Variants in CT45A10 observed in about 807,000 individuals in gnomAD.
The protein encoded by CT45A10 is cancer/testis antigen family 45 member A10.
A neutral mutation model predicts 8.3 loss-of-function variants in CT45A10; 19 were observed. The observed-to-expected ratio is 2.30, with a 90% CI of 1.61 to 3.38. The LOEUF is 3.38. Among genes scored for constraint, CT45A10 ranks in the 30% most tolerant of loss-of-function variants. The probability of loss-of-function intolerance (pLI) is 0.00; values close to 1 mark genes in which losing one functional copy is unlikely to be tolerated. For missense variants in CT45A10, 149 were observed against 85.9 expected (o/e 1.73, Z -2.90); for synonymous variants, 28 against 26.5 (o/e 1.06, Z -0.17).
chrX:135,890,325 C>T (rs2088488847), intron 1 of CT45A10, among the ~76,000 whole-genome samples: 1 of 112,631 alleles, frequency 8.9e-6, no homozygotes, highest in South Asian at 3.6e-4. Context: ...CCAGCTTGAG[C>T]GATGCAGATC....
intron 1 of CT45A10, among the ~76,000 whole-genome samples, chrX:135,890,996 T>C (rs1405787362): frequency 9.0e-6 from 1 of 111,190 alleles, no homozygotes; most frequent in Non-Finnish European, 1.9e-5. Flanking sequence ...AAATGGAAAA[T>C]AGCTAGATTT....
At chrX:135,889,556 T>A (rs1225330149) in intron 1 of CT45A10, among the ~76,000 whole-genome samples, 1 of 111,214 alleles carries the variant, frequency 9.0e-6, no homozygotes, top group African/African-American at 3.3e-5. Context: ...GGTTGTTTTT[T>A]AAAGTCAACC....
At chrX:135,883,659 C>G (rs2088415914) in intron 2 of CT45A10, among the ~76,000 whole-genome samples, 1 of 86,915 alleles carries the variant, frequency 1.2e-5, no homozygotes, top group Admixed American at 1.3e-4. Flanking sequence ...GCAAGTCTCA[C>G]TTGATATCAT....
chrX:135,887,638 A>T (rs1299086706), intron 1 of CT45A10, among the ~76,000 whole-genome samples: 1 of 107,776 alleles, frequency 9.3e-6, no homozygotes, highest in Non-Finnish European at 1.9e-5. Context: ...AACACATAAA[A>T]TGGTGCTAAA....
Position 135,892,973 on chromosome X carries a change from C to T in CT45A10, c.-7+372G>A, listed in dbSNP as rs1332690004. Among the ~76,000 whole-genome samples, 4 of 110,549 alleles carry T rather than the reference C, an allele frequency of 3.6e-5. No individual in the cohort carries two copies. The Admixed American group carries it at 3.8e-4, about 11-fold the overall frequency. Reference sequence around the variant, plus strand: ...CCCAAGGCAGAGTCCCCCCTCAGGGCTGCCACCGAGCAGGGAAGAAACACG... The same window carrying T: ...CCCAAGGCAGAGTCCCCCCTCAGGGTTGCCACCGAGCAGGGAAGAAACACG... On this transcript the variant is annotated intron_variant, in intron 1 of 4. Coordinates refer to ENST00000682849, the MANE Select transcript of CT45A10 (RefSeq NM_001291529.2).
chrX:135,882,775 A>G, intron 3 of CT45A10, 146 bp from the exon 4 acceptor site: 1 of 416,699 alleles, frequency 2.4e-6, no homozygotes. Context: ...CTAAATAATA[A>G]AAAAGACACC....
intron 1 of CT45A10, among the ~76,000 whole-genome samples, chrX:135,892,221 G>A (rs1424442309): frequency 2.7e-5 from 3 of 110,991 alleles, no homozygotes; most frequent in East Asian, 5.6e-4. Flanking sequence ...ACTGAGGCAC[G>A]AGAATCGAGC....
At position 135,889,830 on chromosome X, in the gene CT45A10, G is replaced by GA. The variant is rs10684169; in HGVS notation, c.-7+3514dup. 6.1e-3 allele frequency among the ~76,000 whole-genome samples: 588 copies of GA among 96,347 alleles called. 5 individuals carry two copies. The highest frequency in any genetic ancestry group is 0.018 in the African/African-American group (447 of 25,314). The allele number at this position is 96,347 out of a possible 115,157, so 83.7% of individuals were successfully genotyped here. On this transcript the variant is annotated intron_variant, in intron 1 of 4. Transcript: ENST00000682849. ...AGGAAAGAAAGAAAGCAAAAAGTTG[G>GA]AAAAAAAAAAAAAAAGTAAAATAAA...
intron 1 of CT45A10, among the ~76,000 whole-genome samples, chrX:135,888,058 C>T (rs1243063417): frequency 8.9e-6 from 1 of 112,784 alleles, no homozygotes; most frequent in African/African-American, 3.2e-5. Flanking sequence ...CCCAAGGTCA[C>T]GTGGCCTCCT....
chrX:135,883,014 C>G lies in CT45A10; in HGVS notation c.412G>C (p.Gly138Arg). The G allele has an allele frequency of 8.3e-7, 1 of 1,198,250 alleles. No individual in the cohort carries two copies. Among genetic ancestry groups the G allele is most frequent in the Non-Finnish European group, 1.1e-6 (1 of 885,422 alleles). The stretch of plus-strand genomic sequence containing the variant: ...ACGTTCTTACACTACTTACTTCGTC[C>G]AAGGCATCGGATTTCCTTCACTACT... ...CQVVKEIRCL[G>R]RKYEKIFEML... is the part of the protein sequence containing the mutation. The change falls in exon 3 of 5, where the codon GGA becomes CGA. Residue 138 changes from glycine (G) to arginine (R), a missense_variant. Physicochemically the swap from Gly to Arg is moderately radical, Grantham distance 125. Transcript: ENST00000682849.
chrX:135,891,681 G>A (rs2148067462), intron 1 of CT45A10, among the ~76,000 whole-genome samples: 1 of 110,326 alleles, frequency 9.1e-6, no homozygotes, highest in African/African-American at 3.3e-5. Flanking sequence ...TCATGGCATT[G>A]GGGGAGGCAA....
rs1376929729 is a variant in CT45A10, at chrX:135,882,922, C to T, written c.418+86G>A. 49 of 1,094,909 alleles carry T rather than the reference C, an allele frequency of 4.5e-5. 1 individual carries two copies. Among genetic ancestry groups the T allele is most frequent in the Non-Finnish European group, 5.7e-5 (46 of 811,811 alleles). The allele number at this position is 1,094,909 out of a possible 1,213,427, so 90.2% of individuals were successfully genotyped here. A position where few individuals can be genotyped will look rare whatever the true frequency, so the allele number is the denominator to read the frequency against. ...GTCTCAACTCTGGCAAAGAATGAGC[C>T]TCAAGAGGTAACATGGATATCTTCT... On this transcript the variant is annotated intron_variant, in intron 3 of 4. Transcript: ENST00000682849.
At position 135,882,624 on chromosome X, in the gene CT45A10, CAT is replaced by C. The variant is rs1161547755; in HGVS notation, c.422_423del (p.Tyr141Ter). ...VKEIRCLGRK[Y>X]EKIFEMLEGV... ...CCTTCAAGCATTTCGAAGATTTTTT[CAT>C]ATTCTGAAGATGTTGAAAAAAAAAC... On this transcript the variant is annotated frameshift_variant, in exon 4 of 5. Coordinates refer to ENST00000682849, the MANE Select transcript of CT45A10 (RefSeq NM_001291529.2). LOFTEE classifies it high-confidence loss of function. 3.5e-6 allele frequency: 4 copies of C among 1,154,632 alleles called. No individual in the cohort carries two copies. The African/African-American group carries it at 7.5e-5, about 22-fold the overall frequency.
chrX:135,892,185 G>C (rs1329597879), intron 1 of CT45A10, among the ~76,000 whole-genome samples: 1 of 111,299 alleles, frequency 9.0e-6, no homozygotes, highest in Non-Finnish European at 1.9e-5. Flanking sequence ...AGCCAGGCTT[G>C]GTGGCATGCG....
rs1355718556 is a variant in CT45A10, at chrX:135,883,177, C to T, written c.249G>A (p.Gly83=). 3 of 1,198,446 alleles carry T rather than the reference C, an allele frequency of 2.5e-6. No individual in the cohort carries two copies. Among genetic ancestry groups the T allele is most frequent in the Non-Finnish European group, 3.4e-6 (3 of 885,900 alleles). The change falls in exon 3 of 5, where the codon GGG becomes GGA. Residue 83 remains glycine (G), a synonymous_variant. Transcript: ENST00000682849. ...IDDFTGFSKD[G]MMQKPGSNAP... Reference sequence around the variant, plus strand: ...CATTGCTACCAGGTTTCTGCATCATCCCATCTTTGCTGAAACCAGTGAAGT... The same window carrying T: ...CATTGCTACCAGGTTTCTGCATCATTCCATCTTTGCTGAAACCAGTGAAGT...
intron 1 of CT45A10, among the ~76,000 whole-genome samples, chrX:135,886,748 T>C (rs1323997874): frequency 3.3e-5 from 3 of 91,522 alleles, no homozygotes; most frequent in African/African-American, 1.2e-4. Flanking sequence ...AAAAATATTC[T>C]TTCCATGCAT....
At chrX:135,891,919 A>C (rs1283277136) in intron 1 of CT45A10, among the ~76,000 whole-genome samples, 2 of 111,524 alleles carry the variant, frequency 1.8e-5, no homozygotes, top group Admixed American at 1.9e-4. Flanking sequence ...TCCATTTTTA[A>C]AATACAAACA....
At chrX:135,882,943 C>T in intron 3 of CT45A10, 65 bp downstream of exon 3, 1 of 1,154,647 alleles carries the variant, frequency 8.7e-7, no homozygotes, top group Non-Finnish European at 1.2e-6. Context: ...ACATGGATAT[C>T]TTCTGAATCA....
chrX:135,883,257 C>A lies in CT45A10; in HGVS notation c.170-1G>T. ...GGAATAGCATGTCCTGTCATAAGCT[C>A]TGGTGAAACAAATTTTGAGTAAAAG... On this transcript the variant is annotated splice_acceptor_variant, in intron 2 of 4. Transcript: ENST00000682849. LOFTEE classifies it high-confidence loss of function. 3 of 1,196,298 alleles carry A rather than the reference C, an allele frequency of 2.5e-6. No homozygotes were observed. The highest frequency in any genetic ancestry group is 1.8e-5 in the African/African-American group (1 of 56,819).
Sources: allele counts gnomAD v4.1 joint callset (sites outside exome capture counted in the v4.1 genomes callset), GRCh38; gene constraint gnomAD v4.1.1; transcripts MANE v1.5; gene names NCBI Gene and HGNC (gene_info 2026-07-23, HGNC 2026-07-21).